Variants in DGKI observed in about 807,000 individuals in gnomAD.
DGKI encodes the protein diacylglycerol kinase iota.
Under a neutral mutation model 147.5 loss-of-function variants are expected in DGKI, and 55 were observed. The observed-to-expected ratio is 0.37, with a 90% CI of 0.30 to 0.47. The LOEUF (loss-of-function observed/expected upper bound fraction) is 0.47. Ranked by LOEUF, DGKI falls within the 20% of genes least tolerant of loss-of-function variation. DGKI has a pLI of 1.00. For missense variants in DGKI, 1,007 were observed against 1,323.8 expected (o/e 0.76, Z 3.71); for synonymous variants, 469 against 477.1 (o/e 0.98, Z 0.22).
chr7:137,514,418 C>A (rs1207065115), intron 21 of DGKI, among the ~76,000 whole-genome samples: 3 of 152,106 alleles, frequency 2.0e-5, no homozygotes, highest in African/African-American at 7.2e-5. Context: ...CCACTAACTA[C>A]CCTCTACTCC....
intron 1 of DGKI, among the ~76,000 whole-genome samples, chr7:137,748,660 T>C (rs1795414734): frequency 6.6e-6 from 1 of 152,196 alleles, no homozygotes; most frequent in African/African-American, 2.4e-5. Flanking sequence ...TTTTCTTCTG[T>C]ATATTTTTCT....
chr7:137,615,542 T>C (rs1360295429), intron 8 of DGKI, among the ~76,000 whole-genome samples: 2 of 151,540 alleles, frequency 1.3e-5, no homozygotes, highest in East Asian at 3.9e-4. Flanking sequence ...TGTGTGTGTG[T>C]GTGTGTGTGT....
At chr7:137,824,678 C>T (rs1014191798) in intron 1 of DGKI, among the ~76,000 whole-genome samples, 2 of 152,020 alleles carry the variant, frequency 1.3e-5, no homozygotes, top group African/African-American at 4.8e-5. Flanking sequence ...AGCCTAGTGC[C>T]CACTATTTTT....
intron 10 of DGKI, 59 bp downstream of exon 10, chr7:137,608,907 G>C: frequency 7.5e-7 from 1 of 1,327,262 alleles, no homozygotes; most frequent in Non-Finnish European, 1.1e-6. Flanking sequence ...GGCAGTGAGA[G>C]TTGTGTCGTC....
chr7:137,845,385 T>A (rs1447059886), intron 1 of DGKI, among the ~76,000 whole-genome samples: 1 of 152,234 alleles, frequency 6.6e-6, no homozygotes, highest in Non-Finnish European at 1.5e-5. Context: ...TGTGACAGGC[T>A]TAATACTTTA....
chr7:137,507,319 A>G (rs1021885677), intron 21 of DGKI, among the ~76,000 whole-genome samples: 1 of 152,188 alleles, frequency 6.6e-6, no homozygotes, highest in Non-Finnish European at 1.5e-5. Flanking sequence ...CACAAGATAA[A>G]AGTAAATTAT....
At chr7:137,652,132 T>A (rs1432559870) in intron 5 of DGKI, among the ~76,000 whole-genome samples, 1 of 152,174 alleles carries the variant, frequency 6.6e-6, no homozygotes, top group Non-Finnish European at 1.5e-5. Context: ...TGGGTTTTTT[T>A]AAAGATAGAA....
Position 137,674,581 on chromosome 7 carries a change from T to C in DGKI, c.606+3976A>G, listed in dbSNP as rs538871232. On this transcript the variant is annotated intron_variant, in intron 3 of 32. Transcript: ENST00000614521. ...TCATGCTTCCTAAGCCCACCAGTAT[T>C]TACAATATGCACTCCAAGTTTTGTT... Among the ~76,000 whole-genome samples, 32 of 152,254 alleles carry C rather than the reference T, an allele frequency of 2.1e-4. No individual in the cohort carries two copies. In the East Asian group the frequency reaches 5.8e-3, roughly 28 times the overall value.
At chr7:137,678,124 T>C (rs1007972411) in intron 3 of DGKI, among the ~76,000 whole-genome samples, 19 of 152,110 alleles carry the variant, frequency 1.2e-4, no homozygotes, top group African/African-American at 4.6e-4. Flanking sequence ...CCAGCACAGG[T>C]GTTTCCCTCT....
chr7:137,607,841 T>C (rs1820233854), intron 10 of DGKI, among the ~76,000 whole-genome samples: 1 of 152,202 alleles, frequency 6.6e-6, no homozygotes, highest in Admixed American at 6.5e-5. Context: ...TCTCAGCAAC[T>C]CAAAAATGCA....
chr7:137,469,401 A>G, intron 24 of DGKI, 149 bp downstream of exon 24: 1 of 712,866 alleles, frequency 1.4e-6, no homozygotes, highest in Admixed American at 2.4e-5. Flanking sequence ...GCAGGCCCAC[A>G]TTGTTCCGCA....
chr7:137,571,078 G>C, intron 19 of DGKI, 97 bp downstream of exon 19: 1 of 831,350 alleles, frequency 1.2e-6, no homozygotes, highest in Non-Finnish European at 1.8e-6. Flanking sequence ...TGTGTAACTT[G>C]ATAAAGCAGG....
chr7:137,470,365 G>A (rs1023528932), intron 23 of DGKI, among the ~76,000 whole-genome samples: 1 of 151,916 alleles, frequency 6.6e-6, no homozygotes, highest in Admixed American at 6.6e-5. Flanking sequence ...CTCTGGGTTC[G>A]GATAAAAATA....
intron 1 of DGKI, among the ~76,000 whole-genome samples, chr7:137,751,930 A>G (rs1290582175): frequency 6.6e-6 from 1 of 152,202 alleles, no homozygotes; most frequent in Non-Finnish European, 1.5e-5. Context: ...TAACAAAAGA[A>G]ACAAAGCAGC....
At chr7:137,701,898 T>C (rs1170605594) in intron 1 of DGKI, among the ~76,000 whole-genome samples, 3 of 152,174 alleles carry the variant, frequency 2.0e-5, no homozygotes, top group Non-Finnish European at 4.4e-5. Context: ...AGACTTTCAC[T>C]ACCCAATTTC....
chr7:137,478,146 A>G (rs1411471402), intron 23 of DGKI, among the ~76,000 whole-genome samples: 2 of 152,196 alleles, frequency 1.3e-5, no homozygotes, highest in South Asian at 2.1e-4. Flanking sequence ...AAGATTATAA[A>G]ACCTGGCAGA....
chr7:137,563,707 A>C (rs1818492381), intron 19 of DGKI, among the ~76,000 whole-genome samples: 2 of 152,198 alleles, frequency 1.3e-5, no homozygotes. Flanking sequence ...ATAGCATTAA[A>C]AATACTTAGA....
intron 1 of DGKI, among the ~76,000 whole-genome samples, chr7:137,829,730 T>C (rs940693081): frequency 6.6e-6 from 1 of 152,232 alleles, no homozygotes; most frequent in Non-Finnish European, 1.5e-5. Context: ...TAAGTAATTT[T>C]CTTGGCCACC....
At chr7:137,595,442 C>T (rs761674905) in intron 12 of DGKI, among the ~76,000 whole-genome samples, 11 of 152,174 alleles carry the variant, frequency 7.2e-5, no homozygotes, top group Non-Finnish European at 1.5e-4. Context: ...GTAACTACTG[C>T]CTCTTTCTTG....
Sources: gnomAD v4.1 joint callset for allele counts (sites outside exome capture counted in the v4.1 genomes callset) on GRCh38, gnomAD v4.1.1 for gene constraint, MANE v1.5 for transcripts, NCBI Gene and HGNC (gene_info 2026-07-23, HGNC 2026-07-21) for gene names.